The following FAM169A variants were observed in gnomAD, a reference collection of about 807,000 sequenced individuals.
FAM169A encodes family with sequence similarity 169 member A, also known as soluble lamin-associated protein of 75 kDa.
In FAM169A, 24 loss-of-function variants were observed where a neutral mutation model predicts 75.7. That is an observed-to-expected ratio of 0.32 (90% CI 0.23 to 0.45). The LOEUF (loss-of-function observed/expected upper bound fraction) is 0.45, where lower values mean the gene tolerates loss of function less well. Among genes scored for constraint, FAM169A ranks in the 20% least tolerant of loss-of-function variants. The pLI, the probability that FAM169A is intolerant of heterozygous loss-of-function variation, is 1.00. For synonymous variants in FAM169A, 271 were observed against 271.0 expected (o/e 1.00, Z 0.00); for missense variants, 673 against 784.0 (o/e 0.86, Z 1.69).
chr5:74,832,588 T>A lies in FAM169A; in HGVS notation c.490+1838A>T, dbSNP rs1275549497. 6.7e-5 allele frequency among the ~76,000 whole-genome samples: 10 copies of A among 150,052 alleles called. No homozygotes were observed. In the Admixed American group the frequency reaches 6.7e-4, roughly 10 times the overall value. On this transcript the variant is annotated intron_variant, in intron 5 of 12. Transcript: ENST00000687041. ...AAAATATTACATACATATCAGTATA[T>A]ATATGAAATATGTTTATATAAATAC... is the stretch of plus-strand genomic sequence containing the variant.
chr5:74,864,538 C>G (rs1357116351), intron 1 of FAM169A, among the ~76,000 whole-genome samples: 1 of 152,194 alleles, frequency 6.6e-6, no homozygotes, highest in Non-Finnish European at 1.5e-5. Flanking sequence ...TATATCCCAT[C>G]TTTATTAAAT....
chr5:74,860,913 G>A (rs1251436939), intron 1 of FAM169A, among the ~76,000 whole-genome samples: 1 of 151,750 alleles, frequency 6.6e-6, no homozygotes, highest in Non-Finnish European at 1.5e-5. Flanking sequence ...CGAGGCAGGC[G>A]GATCACGAGG....
rs145236109 is a variant in FAM169A at position 74,808,984 on chromosome 5, T to A, written c.671-3700A>T. 4.0e-3 allele frequency among the ~76,000 whole-genome samples: 615 copies of A among 152,226 alleles called. 9 individuals are homozygous for A. Among genetic ancestry groups the A allele is most frequent in the African/African-American group, 0.014 (578 of 41,524 alleles). ...GAAAATATTTCTCATATGTTCTGGG[T>A]TTAGTTTCCAAAACTAAAAGGAAGG... On this transcript the variant is annotated intron_variant, in intron 6 of 12. Transcript: ENST00000687041.
chr5:74,857,001 C>T (rs189032979), intron 1 of FAM169A, among the ~76,000 whole-genome samples: 5 of 148,288 alleles, frequency 3.4e-5, no homozygotes, highest in African/African-American at 5.0e-5. Flanking sequence ...CCCAGCCACT[C>T]GGGAGGCTGA....
chr5:74,819,081 T>C (rs1188884118), intron 5 of FAM169A, among the ~76,000 whole-genome samples: 1 of 151,878 alleles, frequency 6.6e-6, no homozygotes, highest in Non-Finnish European at 1.5e-5. Context: ...TAGCTGGGCG[T>C]GGTGGCACAC....
At chr5:74,813,474 G>A (rs985075757) in intron 6 of FAM169A, among the ~76,000 whole-genome samples, 3 of 151,862 alleles carry the variant, frequency 2.0e-5, no homozygotes, top group East Asian at 3.9e-4. Context: ...TCACAGGCAC[G>A]TGCCACCACG....
Position 74,823,713 on chromosome 5 carries a change from G to A in FAM169A, c.491-9694C>T, listed in dbSNP as rs77824926. Among the ~76,000 whole-genome samples the A allele has an allele frequency of 3.8e-4, 58 of 152,228 alleles. No homozygotes were observed. The East Asian group carries it at 0.011, about 28-fold the overall frequency. The stretch of plus-strand genomic sequence containing the variant: ...TTCACCTCAACAAAGCAGCCATCTC[G>A]TTTCCCAATGATACATTTCAGGTAG... On this transcript the variant is annotated intron_variant, in intron 5 of 12. Coordinates refer to ENST00000687041, the MANE Select transcript of FAM169A (RefSeq NM_001376049.1).
Position 74,813,950 on chromosome 5 carries a change from T to C in FAM169A, c.560A>G (p.Lys187Arg). ...LPVLDTMFLR[K>R]KYRGKDFGLH... is the part of the protein sequence containing the mutation. ...CCCAAAATCTTTACCTCTGTATTTC[T>C]TTCTTAGAAACATTGTATCAAGAAC... The change falls in exon 6 of 13, where the codon AAG becomes AGG. Residue 187 changes from lysine (K) to arginine (R), a missense_variant. Coordinates refer to ENST00000687041, the MANE Select transcript of FAM169A (RefSeq NM_001376049.1). 5 of 1,608,598 alleles carry C rather than the reference T, an allele frequency of 3.1e-6. No individual in the cohort carries two copies. Among genetic ancestry groups the C allele is most frequent in the Non-Finnish European group, 4.2e-6 (5 of 1,178,734 alleles).
chr5:74,844,270 C>T (rs1181443669), intron 1 of FAM169A, among the ~76,000 whole-genome samples: 1 of 151,926 alleles, frequency 6.6e-6, no homozygotes, highest in Non-Finnish European at 1.5e-5. Context: ...CAAGACCAGC[C>T]TGGGCCACAC....
At chr5:74,799,387 T>G in intron 10 of FAM169A, 1 of 1,612,980 alleles carries the variant, frequency 6.2e-7, no homozygotes, top group Non-Finnish European at 8.5e-7. Flanking sequence ...AAATGACTGG[T>G]GGGTGAGCAA....
In FAM169A at chr5:74,800,980, G is replaced by A. The variant is rs772593005; in HGVS notation, c.1003C>T (p.Arg335Trp). ...STHTRSGNLK[R>W]PKIGKRFQDS... ...TGAAACCGCTTTCCAATCTTTGGCC[G>A]CTTTAGATTACCACTTCGAGTATGA... is the stretch of plus-strand genomic sequence containing the variant. The change falls in exon 10 of 13, where the codon CGG becomes TGG. Residue 335 changes from arginine to tryptophan, a missense_variant. Around this residue, in one of 3 missense-constraint regions of FAM169A, gnomAD observed 510 missense variants for 550.9 expected, o/e 0.93. Coordinates refer to ENST00000687041, the MANE Select transcript of FAM169A (RefSeq NM_001376049.1). 1.9e-5 allele frequency: 30 copies of A among 1,561,736 alleles called. No individual in the cohort carries two copies. Among genetic ancestry groups the A allele is most frequent in the South Asian group, 6.0e-5 (5 of 83,824 alleles).
chr5:74,781,607 C>T lies in FAM169A; in HGVS notation c.1866G>A (p.Leu622=). The T allele has an allele frequency of 1.9e-6, 3 of 1,614,128 alleles. No individual in the cohort carries two copies. Among genetic ancestry groups the T allele is most frequent in the Non-Finnish European group, 8.5e-7 (1 of 1,180,016 alleles). The change falls in exon 13 of 13, where the codon CTG becomes CTA. Residue 622 remains leucine, a synonymous_variant. Transcript: ENST00000687041. ...TTTCTGCCGATTGTGTAAACTGATC[C>T]AGTTGCTCGGAAGATGCTTCAGACT... ...EEQSEASSEQ[L]DQFTQSAEKA...
Position 74,821,756 on chromosome 5 carries a change from C to G in FAM169A, c.491-7737G>C, listed in dbSNP as rs369707909. On this transcript the variant is annotated intron_variant, in intron 5 of 12. Transcript: ENST00000687041. ...CCTCACAATCATGAAGGAACTGTTT[C>G]AGTTACCTACTGCTGCCTAAAAACC... Among the ~76,000 whole-genome samples the G allele has an allele frequency of 2.6e-5, 4 of 152,180 alleles. No individual in the cohort carries two copies. The East Asian group carries it at 7.7e-4, about 29-fold the overall frequency.
At chr5:74,796,975 G>T (rs6883061) in intron 10 of FAM169A, among the ~76,000 whole-genome samples, 35,159 of 151,938 alleles carry the variant, frequency 0.23, 4,295 homozygotes, top group Middle Eastern at 0.3. Flanking sequence ...CTCTGCTTCA[G>T]GCCCCAGTTC....
chr5:74,799,943 GGCTTTGAAGAT>G, intron 10 of FAM169A: 1 of 833,512 alleles, frequency 1.2e-6, no homozygotes, highest in Non-Finnish European at 2.1e-6. Context: ...GCTCCAACAT[GGCTTTGAAGAT>G]GCTGCGCCAG....
At chr5:74,850,912 T>C (rs1749408529) in intron 1 of FAM169A, among the ~76,000 whole-genome samples, 1 of 152,188 alleles carries the variant, frequency 6.6e-6, no homozygotes, top group African/African-American at 2.4e-5. Flanking sequence ...ATTAGTTTTT[T>C]GCTTTGTTTT....
intron 5 of FAM169A, among the ~76,000 whole-genome samples, chr5:74,831,390 TTAA>T (rs1748303479): frequency 6.6e-6 from 1 of 152,166 alleles, no homozygotes. Flanking sequence ...AATTATTTCA[TTAA>T]TAATTTCTTC....
chr5:74,852,446 T>C (rs925370004), intron 1 of FAM169A, among the ~76,000 whole-genome samples: 2 of 152,152 alleles, frequency 1.3e-5, no homozygotes, highest in East Asian at 3.9e-4. Flanking sequence ...AGTAGTCTTA[T>C]CTAACTTCAA....
chr5:74,805,420 C>A (rs1351851608), intron 6 of FAM169A, 136 bp from the exon 7 acceptor site: 6 of 583,214 alleles, frequency 1.0e-5, no homozygotes, highest in African/African-American at 7.6e-5. Flanking sequence ...CAACACAACT[C>A]AAGTATACAG....
Sources: allele counts gnomAD v4.1 joint callset (sites outside exome capture counted in the v4.1 genomes callset), GRCh38; gene constraint gnomAD v4.1.1; regional missense constraint gnomAD v4.1.1; transcripts MANE v1.5; gene names NCBI Gene and HGNC (gene_info 2026-07-23, HGNC 2026-07-21).